The following SH3BGR variants were observed in gnomAD, a reference collection of about 807,000 sequenced individuals.
The protein encoded by SH3BGR is SH3 domain-binding glutamic acid-rich protein.
Under a neutral mutation model 24.5 loss-of-function variants are expected in SH3BGR, and 29 were observed. That is an observed-to-expected ratio of 1.18 (90% CI 0.88 to 1.61). The LOEUF (loss-of-function observed/expected upper bound fraction) is 1.61. Among genes scored for constraint, SH3BGR ranks in the 40% most tolerant of loss-of-function variants. SH3BGR has a pLI of 0.00. For synonymous variants in SH3BGR, 55 were observed against 65.7 expected (o/e 0.84, Z 0.79); for missense variants, 162 against 205.8 (o/e 0.79, Z 1.30).
chr21:39,503,086 A>G (rs1045118723), intron 4 of SH3BGR, among the ~76,000 whole-genome samples: 7 of 152,090 alleles, frequency 4.6e-5, no homozygotes, highest in Non-Finnish European at 8.8e-5. Flanking sequence ...GTGGAAAGCC[A>G]GAACAAATAG....
chr21:39,489,847 A>G (rs552944100), intron 3 of SH3BGR, among the ~76,000 whole-genome samples: 1 of 152,346 alleles, frequency 6.6e-6, no homozygotes, highest in South Asian at 2.1e-4. Flanking sequence ...TCTGTAAAGG[A>G]AAACATTGAA....
intron 1 of SH3BGR, among the ~76,000 whole-genome samples, chr21:39,460,630 C>A (rs60838770): frequency 6.6e-6 from 1 of 151,602 alleles, no homozygotes; most frequent in East Asian, 1.9e-4. Context: ...CCACCACGCC[C>A]GGGTAATTTT....
intron 4 of SH3BGR, among the ~76,000 whole-genome samples, 181 bp from the exon 5 acceptor site, chr21:39,508,817 A>G (rs1435131676): frequency 6.6e-6 from 1 of 152,234 alleles, no homozygotes; most frequent in African/African-American, 2.4e-5. Flanking sequence ...AATATAATGT[A>G]TGAAAGAAGT....
intron 1 of SH3BGR, among the ~76,000 whole-genome samples, chr21:39,460,098 A>G (rs959938442): frequency 4.6e-5 from 7 of 152,220 alleles, no homozygotes; most frequent in Non-Finnish European, 8.8e-5. Flanking sequence ...TACAGTCATT[A>G]CGTGTTACAC....
chr21:39,495,216 T>G (rs1347871534), intron 3 of SH3BGR, among the ~76,000 whole-genome samples: 2 of 152,218 alleles, frequency 1.3e-5, no homozygotes, highest in African/African-American at 4.8e-5. Context: ...TTTTTTTCTC[T>G]TGAGAATGAG....
At chr21:39,504,708 C>T (rs77744846) in intron 4 of SH3BGR, among the ~76,000 whole-genome samples, 12,796 of 152,126 alleles carry the variant, frequency 0.084, 765 homozygotes, top group African/African-American at 0.17. Flanking sequence ...TGCTTTTGTG[C>T]CTATAATTAC....
At chr21:39,508,866 T>A in intron 4 of SH3BGR, 132 bp from the exon 5 acceptor site, 2 of 602,760 alleles carry the variant, frequency 3.3e-6, no homozygotes, top group Non-Finnish European at 5.7e-6. Context: ...TATTTACTTA[T>A]TTTATGGATA....
intron 1 of SH3BGR, among the ~76,000 whole-genome samples, chr21:39,452,885 T>C (rs534821736): frequency 1.1e-4 from 16 of 152,356 alleles, no homozygotes; most frequent in African/African-American, 3.8e-4. Flanking sequence ...GGTCAGACTT[T>C]GATTTTAGGC....
At chr21:39,484,552 C>T (rs1025769727) in intron 3 of SH3BGR, among the ~76,000 whole-genome samples, 8 of 152,124 alleles carry the variant, frequency 5.3e-5, no homozygotes, top group Non-Finnish European at 2.9e-5. Flanking sequence ...TTAGATCCTA[C>T]CCTGATTTGT....
intron 2 of SH3BGR, 43 bp from the exon 3 acceptor site, chr21:39,475,092 C>A: frequency 1.6e-6 from 2 of 1,236,578 alleles, no homozygotes; most frequent in Admixed American, 1.7e-5. Context: ...AACTGGCTCA[C>A]AAGTGTGCAG....
intron 3 of SH3BGR, among the ~76,000 whole-genome samples, chr21:39,480,940 T>A (rs1049459264): frequency 1.2e-4 from 19 of 152,218 alleles, no homozygotes; most frequent in African/African-American, 4.6e-4. Context: ...TTGCTTTAGT[T>A]AAGAAACTCA....
chr21:39,469,864 C>T (rs1253537996), intron 2 of SH3BGR, among the ~76,000 whole-genome samples: 1 of 152,014 alleles, frequency 6.6e-6, no homozygotes, highest in Middle Eastern at 3.2e-3. Flanking sequence ...TCATGTTGGC[C>T]AGGTTGGTCT....
In SH3BGR at chr21:39,515,163, C is replaced by T. The variant is rs563718163; in HGVS notation, c.*110C>T. 89 of 468,900 alleles carry T rather than the reference C, an allele frequency of 1.9e-4. No homozygotes were observed. The highest frequency in any genetic ancestry group is 7.3e-4 in the Admixed American group (31 of 42,234). The allele number at this position is 468,900 out of a possible 1,614,324, so 29.0% of individuals were successfully genotyped here. A position where few individuals can be genotyped will look rare whatever the true frequency, so the allele number is the denominator to read the frequency against. ...TCAACAGAATACTTTGGCTTGAAGC[C>T]GGCACACCCAGGGTTACTGAGGACT... On this transcript the variant is annotated 3_prime_UTR_variant, in exon 7 of 7. Transcript: ENST00000333634.
intron 3 of SH3BGR, among the ~76,000 whole-genome samples, chr21:39,487,154 G>A (rs2078225065): frequency 6.6e-6 from 1 of 151,136 alleles, no homozygotes; most frequent in African/African-American, 2.4e-5. Flanking sequence ...TTTTGTTTCT[G>A]TTTTTTGAGG....
chr21:39,450,403 C>T (rs1480181706), upstream of SH3BGR, among the ~76,000 whole-genome samples: 1 of 152,166 alleles, frequency 6.6e-6, no homozygotes, highest in Admixed American at 6.5e-5. Context: ...AGCGATATTC[C>T]AGGAACTGGG....
intron 3 of SH3BGR, among the ~76,000 whole-genome samples, chr21:39,479,245 T>TAAG (rs2078083985): frequency 6.9e-6 from 1 of 145,224 alleles, no homozygotes; most frequent in Non-Finnish European, 1.5e-5. Context: ...GTGGTGGTGG[T>TAAG]GGTGGTGGTG....
intron 1 of SH3BGR, among the ~76,000 whole-genome samples, 170 bp from the exon 2 acceptor site, chr21:39,462,205 A>G (rs2077766524): frequency 6.6e-6 from 1 of 152,162 alleles, no homozygotes; most frequent in African/African-American, 2.4e-5. Context: ...TTAAATAGTC[A>G]TTTGGTTGAC....
upstream of SH3BGR, chr21:39,451,801 G>T (rs1053226920): frequency 1.6e-6 from 2 of 1,279,398 alleles, no homozygotes; most frequent in East Asian, 2.5e-5. Flanking sequence ...GTTGTCGCGC[G>T]TTTAAAGTGA....
intron 4 of SH3BGR, among the ~76,000 whole-genome samples, chr21:39,503,442 T>A (rs2078530996): frequency 6.6e-6 from 1 of 152,162 alleles, no homozygotes; most frequent in Non-Finnish European, 1.5e-5. Flanking sequence ...TTCATTTGTG[T>A]GTTAAAAACA....
Sources: gnomAD v4.1 joint callset for allele counts (sites outside exome capture counted in the v4.1 genomes callset) on GRCh38, gnomAD v4.1.1 for gene constraint, MANE v1.5 for transcripts, NCBI Gene and HGNC (gene_info 2026-07-23, HGNC 2026-07-21) for gene names.